Variants in BRD7 observed in about 807,000 individuals in gnomAD.
BRD7 encodes bromodomain-containing protein 7.
In BRD7, 15 loss-of-function variants were observed where a neutral mutation model predicts 82.1. That is an observed-to-expected ratio of 0.18 (90% CI 0.12 to 0.28). The LOEUF (loss-of-function observed/expected upper bound fraction) is 0.28, where lower values mean the gene tolerates loss of function less well. Ranked by LOEUF, BRD7 falls within the 10% of genes least tolerant of loss-of-function variation. The probability of loss-of-function intolerance (pLI) is 1.00; values close to 1 mark genes in which losing one functional copy is unlikely to be tolerated. For synonymous variants in BRD7, 232 were observed against 266.9 expected, an observed-to-expected ratio of 0.87 and a Z score of 1.27; for missense variants, 638 against 779.9, an observed-to-expected ratio of 0.82 and a Z score of 2.17.
chr16:50,346,651 A>G (rs1216947093), intron 5 of BRD7, among the ~76,000 whole-genome samples: 2 of 152,236 alleles, frequency 1.3e-5, no homozygotes, highest in Non-Finnish European at 1.5e-5. Flanking sequence ...CCATGCAAAT[A>G]AACTAGAAAA....
Position 50,316,164 on chromosome 16 carries a change from A to C in BRD7, c.*3047T>G, listed in dbSNP as rs1047186489. The C allele has an allele frequency of 6.6e-6, 1 of 152,606 alleles. No individual in the cohort carries two copies. The highest frequency in any genetic ancestry group is 2.4e-5 in the African/African-American group (1 of 41,458). The allele number at this position is 152,606 out of a possible 1,614,324, so 9.5% of individuals were successfully genotyped here. A position where few individuals can be genotyped will look rare whatever the true frequency, so the allele number is the denominator to read the frequency against. On this transcript the variant is annotated 3_prime_UTR_variant, in exon 17 of 17. Coordinates refer to ENST00000394688, the MANE Select transcript of BRD7 (RefSeq NM_013263.5). ...GAATGACTTTTCAGACACTAGACAT[A>C]AATCTCTTCCCTCCAGTGTATGCTC...
Position 50,368,916 on chromosome 16 carries a change from G to A in BRD7, c.-142C>T. On this transcript the variant is annotated 5_prime_UTR_variant, in exon 1 of 17. Coordinates refer to ENST00000394688, the MANE Select transcript of BRD7 (RefSeq NM_013263.5). ...GAGGCAGGGGGGCGGCGCGCGCCGGGCGGCGCGATGCCCCTCTCGAGAAGA... is the reference window on the plus strand; with the variant it reads ...GAGGCAGGGGGGCGGCGCGCGCCGGACGGCGCGATGCCCCTCTCGAGAAGA... 1 of 286,688 alleles carries A rather than the reference G, an allele frequency of 3.5e-6. No individual in the cohort carries two copies. Among genetic ancestry groups the A allele is most frequent in the Non-Finnish European group, 5.2e-6 (1 of 193,610 alleles). The allele number at this position is 286,688 out of a possible 1,614,324, so 17.8% of individuals were successfully genotyped here.
chr16:50,348,782 A>C (rs1286076645), intron 5 of BRD7, among the ~76,000 whole-genome samples: 1 of 152,216 alleles, frequency 6.6e-6, no homozygotes, highest in Non-Finnish European at 1.5e-5. Flanking sequence ...GATGTGGAGA[A>C]ACAGGAACAC....
intron 5 of BRD7, among the ~76,000 whole-genome samples, chr16:50,341,177 TACACACACACACAC>T (rs57755008): frequency 2.4e-3 from 323 of 137,296 alleles, no homozygotes; most frequent in African/African-American, 7.9e-3. Flanking sequence ...AGACCTTAAG[TACACACACACACAC>T]ACACACACAC....
Position 50,333,581 on chromosome 16 carries a change from T to G in BRD7, c.1004A>C (p.Asn335Thr). The change falls in exon 8 of 17, where the codon AAC (asparagine) becomes ACC (threonine). Residue 335 changes from asparagine to threonine, a missense_variant. By Grantham distance (65) the Asn-to-Thr change is moderately conservative. Transcript: ENST00000394688. ...AAGGCAAAGCTCAATCACCTGACTGTTCACAAGCCGCCTGGTCAGCTTTCC... is the reference window on the plus strand; with the variant it reads ...AAGGCAAAGCTCAATCACCTGACTGGTCACAAGCCGCCTGGTCAGCTTTCC... ...SGGKLTRRLV[N>T]SQCEFERRKP... 1.2e-6 allele frequency: 2 copies of G among 1,611,842 alleles called. No individual in the cohort carries two copies. The highest frequency in any genetic ancestry group is 1.7e-6 in the Non-Finnish European group (2 of 1,179,780).
chr16:50,358,495 CA>C lies in BRD7; in HGVS notation c.259-3574del, dbSNP rs371307047. ...TGGGCAACAGAGCCAGATCCTGTCT[CA>C]AAAAAAAAAAAAAAAGAACAAAAAG... is the stretch of plus-strand genomic sequence containing the variant. On this transcript the variant is annotated intron_variant, in intron 2 of 16. Transcript: ENST00000394688. Among the ~76,000 whole-genome samples, 450 of 122,006 alleles carry C rather than the reference CA, an allele frequency of 3.7e-3. 2 individuals carry two copies. Among genetic ancestry groups the C allele is most frequent in the African/African-American group, 0.011 (335 of 29,422 alleles). 80.0% of individuals were successfully genotyped at this position (122,006 alleles called of 152,430 possible).
intron 2 of BRD7, among the ~76,000 whole-genome samples, chr16:50,356,376 T>C (rs928405826): frequency 1.3e-5 from 2 of 152,130 alleles, no homozygotes; most frequent in African/African-American, 2.4e-5. Flanking sequence ...TAGTAAAAAA[T>C]AGGAATAATC....
intron 2 of BRD7, among the ~76,000 whole-genome samples, chr16:50,359,052 C>A (rs2038845998): frequency 6.6e-6 from 1 of 152,154 alleles, no homozygotes; most frequent in African/African-American, 2.4e-5. Flanking sequence ...GAGTATGTTG[C>A]AGAATCTTGT....
intron 1 of BRD7, 162 bp from the exon 2 acceptor site, chr16:50,368,460 C>G (rs2039239128): frequency 2.3e-6 from 2 of 853,804 alleles, no homozygotes; most frequent in Non-Finnish European, 3.5e-6. Context: ...GGGGGTGCGG[C>G]GGCGCCGCCC....
At chr16:50,353,919 G>A (rs1260177503) in intron 4 of BRD7, among the ~76,000 whole-genome samples, 1 of 152,098 alleles carries the variant, frequency 6.6e-6, no homozygotes, top group Non-Finnish European at 1.5e-5. Context: ...TTTTAATAAA[G>A]ATTGAGTTAT....
intron 2 of BRD7, among the ~76,000 whole-genome samples, chr16:50,360,095 G>A (rs767676851): frequency 4.6e-5 from 7 of 152,140 alleles, no homozygotes; most frequent in African/African-American, 7.2e-5. Flanking sequence ...AACACTCACC[G>A]AACCACATTA....
At position 50,321,566 on chromosome 16, in the gene BRD7, CAAAAAAAAAAAA is replaced by C. The variant is rs60824563; in HGVS notation, c.1500+404_1500+415del. On this transcript the variant is annotated intron_variant, in intron 13 of 16. Transcript: ENST00000394688. ...TGGGCAACAGAGCGGGACTCCATCTCAAAAAAAAAAAAAAAAAAAAAAAAAAAAAGATGGAGT... is the reference window on the plus strand; with the variant it reads ...TGGGCAACAGAGCGGGACTCCATCTCAAAAAAAAAAAAAAAAAGATGGAGT... Among the ~76,000 whole-genome samples the C allele has an allele frequency of 1.0e-4, 7 of 67,446 alleles. No individual in the cohort carries two copies. The East Asian group carries it at 1.5e-3, about 14-fold the overall frequency. 44.2% of individuals were successfully genotyped at this position (67,446 alleles called of 152,430 possible).
At position 50,316,299 on chromosome 16, in the gene BRD7, G is replaced by A. The variant is rs1872691; in HGVS notation, c.*2912C>T. 41,035 of 152,290 alleles carry A rather than the reference G, an allele frequency of 0.27. 6,407 individuals are homozygous for A. The highest frequency in any genetic ancestry group is 0.43 in the African/African-American group (17,675 of 41,436). The allele number at this position is 152,290 out of a possible 1,614,324, so 9.4% of individuals were successfully genotyped here. A position where few individuals can be genotyped will look rare whatever the true frequency, so the allele number is the denominator to read the frequency against. ...AGGAATGTGGTCACAGCAAGAAGGC[G>A]GGGAGCAGCAGAGCCTTGCCTTTGA... is the stretch of plus-strand genomic sequence containing the variant. On this transcript the variant is annotated 3_prime_UTR_variant, in exon 17 of 17. Coordinates refer to ENST00000394688, the MANE Select transcript of BRD7 (RefSeq NM_013263.5).
intron 9 of BRD7, 40 bp from the exon 10 acceptor site, chr16:50,326,431 G>A (rs771214747): frequency 7.1e-7 from 1 of 1,412,044 alleles, no homozygotes; most frequent in Non-Finnish European, 9.5e-7. Flanking sequence ...AGGCCTACAT[G>A]GCCATGACCC....
chr16:50,334,859 T>G lies in BRD7; in HGVS notation c.739A>C (p.Met247Leu). 1 of 1,614,200 alleles carries G rather than the reference T, an allele frequency of 6.2e-7. No homozygotes were observed. The highest frequency in any genetic ancestry group is 8.5e-7 in the Non-Finnish European group (1 of 1,180,030). Residue 247 changes from methionine to leucine, a missense_variant, in exon 7 of 17, where the codon ATG (methionine) becomes CTG (leucine). Around this residue, in one of 3 missense-constraint regions of BRD7, gnomAD observed 402 missense variants for 500.8 expected, o/e 0.80. Transcript: ENST00000394688. Reference protein sequence around the residue: ...IQSLKQSIDFMADLQKTRKQK... With the variant: ...IQSLKQSIDFLADLQKTRKQK... ...TTTCGAGTTTTCTGCAAGTCAGCCA[T>G]GAAGTCTATGCTCTGCTTCAGGCTC...
At chr16:50,321,772 T>C (rs1181470546) in intron 13 of BRD7, among the ~76,000 whole-genome samples, 9 of 152,110 alleles carry the variant, frequency 5.9e-5, no homozygotes, top group Admixed American at 5.9e-4. Context: ...TCTACCTACA[T>C]ATGGGCTAAA....
At chr16:50,332,363 C>T (rs1179835219) in intron 8 of BRD7, among the ~76,000 whole-genome samples, 1 of 152,200 alleles carries the variant, frequency 6.6e-6, no homozygotes, top group Admixed American at 6.5e-5. Context: ...ACAGACACCA[C>T]TCAAAAGAAG....
chr16:50,345,945 C>T (rs987788643), intron 5 of BRD7, among the ~76,000 whole-genome samples: 1 of 152,198 alleles, frequency 6.6e-6, no homozygotes, highest in Non-Finnish European at 1.5e-5. Context: ...GAACTCTCCA[C>T]CCTAAATCAA....
chr16:50,332,707 C>T (rs1417683415), intron 8 of BRD7, among the ~76,000 whole-genome samples: 1 of 152,028 alleles, frequency 6.6e-6, no homozygotes, highest in Admixed American at 6.6e-5. Flanking sequence ...GCACTGTGCA[C>T]AACAAAGACA....
Sources: gnomAD v4.1 joint callset for allele counts (sites outside exome capture counted in the v4.1 genomes callset) on GRCh38, gnomAD v4.1.1 for gene constraint, gnomAD v4.1.1 regional missense constraint, MANE v1.5 for transcripts, NCBI Gene and HGNC (gene_info 2026-07-23, HGNC 2026-07-21) for gene names.